FOCAD: variants seen among roughly 807,000 people sequenced by gnomAD.
FOCAD encodes KIAA1797.
FOCAD carries 198 observed loss-of-function variants against 225.6 expected under a neutral mutation model. That is an observed-to-expected ratio of 0.88 (90% CI 0.78 to 0.99). FOCAD has a LOEUF of 0.99. Ranked by LOEUF, FOCAD falls within the 50% of genes least tolerant of loss-of-function variation. The pLI, the probability that FOCAD is intolerant of heterozygous loss-of-function variation, is 0.00. For missense variants in FOCAD, 2,713 were observed against 2,123.6 expected (o/e 1.28, Z -5.46); for synonymous variants, 897 against 755.0 (o/e 1.19, Z -3.08).
At chr9:20,843,578 G>A (rs1265748515) in intron 15 of FOCAD, among the ~76,000 whole-genome samples, 5 of 151,980 alleles carry the variant, frequency 3.3e-5, no homozygotes, top group African/African-American at 1.2e-4. Flanking sequence ...ATGTCTTGAG[G>A]TAGTCTTATT....
At chr9:20,920,215 C>G (rs1196185828) in intron 24 of FOCAD, among the ~76,000 whole-genome samples, 1 of 150,858 alleles carries the variant, frequency 6.6e-6, no homozygotes, top group African/African-American at 2.4e-5. Context: ...TGAAAAAATG[C>G]TCACCATCAC....
At position 20,882,000 on chromosome 9, in the gene FOCAD, T is replaced by G. The variant is rs1564107623; in HGVS notation, c.2447T>G (p.Phe816Cys). 1 of 1,613,926 alleles carries G rather than the reference T, an allele frequency of 6.2e-7. No individual in the cohort carries two copies. The highest frequency in any genetic ancestry group is 2.2e-5 in the East Asian group (1 of 44,872). The change falls in exon 20 of 44, where the codon TTT becomes TGT. Residue 816 changes from phenylalanine (F) to cysteine (C), a missense_variant. Phe to Cys is a radical substitution (Grantham distance 205, BLOSUM62 -2). Coordinates refer to ENST00000338382, the MANE Select transcript of FOCAD (RefSeq NM_001375567.1). ...AAGACTGTAGCAGGAATCCCCAATT[T>G]TATATTGAAAATGTATGAAACAAAC... ...QGKTVAGIPNFILKMYETNKQ... is the reference protein window; with the variant it reads ...QGKTVAGIPNCILKMYETNKQ...
At chr9:20,835,277 T>G (rs893142712) in intron 15 of FOCAD, among the ~76,000 whole-genome samples, 1 of 152,210 alleles carries the variant, frequency 6.6e-6, no homozygotes, top group South Asian at 2.1e-4. Context: ...AATCTTGTAA[T>G]GTAGGTGATA....
intron 6 of FOCAD, among the ~76,000 whole-genome samples, chr9:20,759,056 A>T (rs998955851): frequency 1.3e-5 from 2 of 152,198 alleles, no homozygotes; most frequent in Non-Finnish European, 2.9e-5. Context: ...AATCCAACTT[A>T]CAAGGGATAT....
chr9:20,962,974 C>G (rs1838896957), intron 35 of FOCAD, among the ~76,000 whole-genome samples: 1 of 152,204 alleles, frequency 6.6e-6, no homozygotes, highest in Non-Finnish European at 1.5e-5. Context: ...GGAACTAGTT[C>G]ACTGTGTTCT....
intron 11 of FOCAD, among the ~76,000 whole-genome samples, chr9:20,796,716 C>T (rs575692422): frequency 6.6e-6 from 1 of 152,162 alleles, no homozygotes; most frequent in East Asian, 1.9e-4. Context: ...TGGGTATTAG[C>T]CCTTTGTCAG....
chr9:20,942,693 C>T (rs759206812), intron 28 of FOCAD, among the ~76,000 whole-genome samples: 12 of 152,064 alleles, frequency 7.9e-5, no homozygotes, highest in Middle Eastern at 3.4e-3. Flanking sequence ...TGCCTGTATA[C>T]GCCAAGCAGT....
intron 2 of FOCAD, among the ~76,000 whole-genome samples, chr9:20,659,052 C>G (rs1360661114): frequency 2.6e-5 from 4 of 152,118 alleles, no homozygotes; most frequent in Non-Finnish European, 5.9e-5. Flanking sequence ...AACCCCATTT[C>G]TACTAAAAAT....
At chr9:20,942,985 A>T (rs1836818024) in intron 28 of FOCAD, among the ~76,000 whole-genome samples, 1 of 152,202 alleles carries the variant, frequency 6.6e-6, no homozygotes. Flanking sequence ...ACAACAGTCA[A>T]ATGTGTCTAA....
At chr9:20,848,525 A>G (rs1019821479) in intron 15 of FOCAD, among the ~76,000 whole-genome samples, 2 of 151,980 alleles carry the variant, frequency 1.3e-5, no homozygotes, top group Non-Finnish European at 1.5e-5. Context: ...TTCTGTGGCT[A>G]GCCTCTTGGA....
chr9:20,902,662 A>T (rs1408381317), intron 21 of FOCAD, among the ~76,000 whole-genome samples: 1 of 151,934 alleles, frequency 6.6e-6, no homozygotes, highest in East Asian at 1.9e-4. Context: ...AGATCATAGT[A>T]ATCTAGGCAG....
intron 19 of FOCAD, among the ~76,000 whole-genome samples, chr9:20,880,744 G>GAT (rs781510352): frequency 5.9e-5 from 9 of 152,312 alleles, no homozygotes; most frequent in Admixed American, 2.6e-4. Context: ...GAGACTTTTA[G>GAT]ATAGATCTCT....
Position 20,909,534 on chromosome 9 carries a change from A to G in FOCAD, c.2718+2292A>G, listed in dbSNP as rs1368741000. On this transcript the variant is annotated intron_variant, in intron 22 of 43. Coordinates refer to ENST00000338382, the MANE Select transcript of FOCAD (RefSeq NM_001375567.1). ...TCATAATTTTTAGCAATGCAGGTCA[A>G]TTATTCTGCTATTAAGGTGATGGTT... Among the ~76,000 whole-genome samples the G allele has an allele frequency of 7.2e-5, 11 of 152,240 alleles. No individual in the cohort carries two copies. In the South Asian group the frequency reaches 2.3e-3, roughly 32 times the overall value.
At position 20,708,783 on chromosome 9, in the gene FOCAD, G is replaced by GA. The variant is rs1219309873; in HGVS notation, c.-32-6526dup. Among the ~76,000 whole-genome samples, 868 of 143,470 alleles carry GA rather than the reference G, an allele frequency of 6.1e-3. 7 individuals are homozygous for GA. The highest frequency in any genetic ancestry group is 0.018 in the Middle Eastern group (5 of 278). The allele number at this position is 143,470 out of a possible 152,430, so 94.1% of individuals were successfully genotyped here. ...AGAGTGAGAGACCCTGTCTCTTAAGGAAAAAAAAAAAAATTCTGTTTAGCC... is the reference window on the plus strand; with the variant it reads ...AGAGTGAGAGACCCTGTCTCTTAAGGAAAAAAAAAAAAAATTCTGTTTAGCC... On this transcript the variant is annotated intron_variant, in intron 1 of 43. Coordinates refer to ENST00000338382, the MANE Select transcript of FOCAD (RefSeq NM_001375567.1).
chr9:20,891,705 C>T (rs926223001), intron 21 of FOCAD, among the ~76,000 whole-genome samples: 5 of 152,140 alleles, frequency 3.3e-5, no homozygotes, highest in African/African-American at 7.2e-5. Flanking sequence ...AGGAAAGAAG[C>T]GATTTTCACA....
At chr9:20,868,851 G>A (rs928018850) in intron 18 of FOCAD, among the ~76,000 whole-genome samples, 1 of 152,050 alleles carries the variant, frequency 6.6e-6, no homozygotes, top group Non-Finnish European at 1.5e-5. Context: ...TCTGACCCCA[G>A]CTTCTGATAC....
intron 1 of FOCAD, among the ~76,000 whole-genome samples, chr9:20,687,772 G>A (rs1184025817): frequency 1.3e-5 from 2 of 152,130 alleles, no homozygotes; most frequent in Non-Finnish European, 2.9e-5. Context: ...TTATCTTTAA[G>A]GAACTTACAG....
At chr9:20,703,463 CAT>C (rs970820171) in intron 1 of FOCAD, among the ~76,000 whole-genome samples, 3 of 152,052 alleles carry the variant, frequency 2.0e-5, no homozygotes, top group Non-Finnish European at 4.4e-5. Flanking sequence ...AAGTTTTCAG[CAT>C]ATGAGTTAAA....
intron 32 of FOCAD, 72 bp from the exon 33 acceptor site, chr9:20,949,532 A>C: frequency 1.1e-6 from 1 of 951,088 alleles, no homozygotes. Context: ...TGGATAGCTC[A>C]TGCACCGGGA....
Sources: gnomAD v4.1 joint callset for allele counts (sites outside exome capture counted in the v4.1 genomes callset) on GRCh38, gnomAD v4.1.1 for gene constraint, MANE v1.5 for transcripts, NCBI Gene and HGNC (gene_info 2026-07-23, HGNC 2026-07-21) for gene names.